RUNX1T1: variants seen among roughly 807,000 people sequenced by gnomAD.
RUNX1T1 encodes RUNX1 partner transcriptional co-repressor 1.
Under a neutral mutation model 62.8 loss-of-function variants are expected in RUNX1T1, and 4 were observed. The ratio of observed to expected loss-of-function variants is 0.06; its 90% CI spans 0.03 to 0.15. The LOEUF (loss-of-function observed/expected upper bound fraction) is 0.15. Among genes scored for constraint, RUNX1T1 ranks in the 10% least tolerant of loss-of-function variants. The pLI, the probability that RUNX1T1 is intolerant of heterozygous loss-of-function variation, is 1.00. For missense variants in RUNX1T1, 508 were observed against 754.3 expected, an observed-to-expected ratio of 0.67 and a Z score of 3.82; for synonymous variants, 291 against 286.0, an observed-to-expected ratio of 1.02 and a Z score of -0.18.
chr8:92,017,132 G>T, intron 2 of RUNX1T1, 94 bp downstream of exon 3: 1 of 952,666 alleles, frequency 1.0e-6, no homozygotes, highest in Non-Finnish European at 1.6e-6. Flanking sequence ...ATACATTGAT[G>T]CTGAATTTTA....
intron 1 of RUNX1T1, among the ~76,000 whole-genome samples, chr8:92,044,812 T>C (rs1327525877): frequency 2.6e-5 from 4 of 152,224 alleles, no homozygotes; most frequent in African/African-American, 7.2e-5. Flanking sequence ...CTAGTTTTGT[T>C]TGACTGCAAA....
chr8:92,099,097 A>G (rs984664573), intron 1 of RUNX1T1, among the ~76,000 whole-genome samples: 1 of 152,208 alleles, frequency 6.6e-6, no homozygotes, highest in Non-Finnish European at 1.5e-5. Context: ...AGTTGATTGA[A>G]TATTTGTTAT....
At chr8:92,025,974 G>T (rs1040049948) in intron 1 of RUNX1T1, among the ~76,000 whole-genome samples, 1 of 152,150 alleles carries the variant, frequency 6.6e-6, no homozygotes, top group African/African-American at 2.4e-5. Flanking sequence ...ATACACATAT[G>T]ATCTATGGCC....
At chr8:92,056,521 AC>A (rs1831066730) in intron 1 of RUNX1T1, among the ~76,000 whole-genome samples, 1 of 152,178 alleles carries the variant, frequency 6.6e-6, no homozygotes, top group Non-Finnish European at 1.5e-5. Flanking sequence ...GCCAGACTAC[AC>A]TTATCACTTA....
At chr8:92,012,497 G>C (rs2131111825) in intron 3 of RUNX1T1, among the ~76,000 whole-genome samples, 1 of 152,138 alleles carries the variant, frequency 6.6e-6, no homozygotes, top group South Asian at 2.1e-4. Flanking sequence ...CGATGCGAAT[G>C]CATTGGGTGA....
Position 92,017,677 on chromosome 8 carries a change from A to C in RUNX1T1, c.8-314T>G, listed in dbSNP as rs1823281589. The C allele has an allele frequency of 2.4e-6, 3 of 1,242,994 alleles. No homozygotes were observed. The Admixed American group carries it at 1.2e-4, about 48-fold the overall frequency. 77.0% of individuals were successfully genotyped at this position (1,242,994 alleles called of 1,614,324 possible). ...TGCACTGGAAGCTGAAGCCAATGTT[A>C]GCAAGAGGTAGAAAATAGATGAGGA... is the stretch of plus-strand genomic sequence containing the variant. On this transcript the variant is annotated intron_variant, in intron 1 of 10. Coordinates refer to ENST00000396218, the Ensembl canonical transcript of RUNX1T1.
At chr8:92,092,974 C>T (rs1837270230) in intron 1 of RUNX1T1, among the ~76,000 whole-genome samples, 1 of 151,974 alleles carries the variant, frequency 6.6e-6, no homozygotes, top group Non-Finnish European at 1.5e-5. Context: ...CATATTGGAG[C>T]AGATGTAGCA....
At chr8:92,032,167 T>C (rs1826386159) in intron 1 of RUNX1T1, among the ~76,000 whole-genome samples, 2 of 134,138 alleles carry the variant, frequency 1.5e-5, no homozygotes. Flanking sequence ...AGTACATGAA[T>C]AGATGGCCAA....
chr8:92,036,164 C>T (rs1827377532), intron 1 of RUNX1T1, among the ~76,000 whole-genome samples: 5 of 151,994 alleles, frequency 3.3e-5, no homozygotes, highest in African/African-American at 1.2e-4. Flanking sequence ...ATTATAATGG[C>T]GAGAATCAAA....
intron 10 of RUNX1T1, among the ~76,000 whole-genome samples, chr8:91,970,015 T>C (rs1452468367): frequency 3.5e-5 from 3 of 85,568 alleles, no homozygotes; most frequent in African/African-American, 1.6e-4. Flanking sequence ...CCATTTAGGC[T>C]AGCTGTGTGT....
chr8:92,045,079 A>C (rs1015247302), intron 1 of RUNX1T1, among the ~76,000 whole-genome samples: 1 of 151,836 alleles, frequency 6.6e-6, no homozygotes, highest in African/African-American at 2.4e-5. Context: ...AAAAAAAAAA[A>C]AAAGATATCG....
exon 11 of RUNX1T1, chr8:91,960,135 C>T: frequency 8.7e-7 from 1 of 1,152,346 alleles, no homozygotes; most frequent in Admixed American, 2.2e-5. Flanking sequence ...TAGGATAATT[C>T]ATCTAATAAA....
chr8:92,086,985 A>C (rs953867079), intron 1 of RUNX1T1, among the ~76,000 whole-genome samples: 4 of 152,206 alleles, frequency 2.6e-5, no homozygotes, highest in African/African-American at 9.6e-5. Flanking sequence ...TATTGGATGC[A>C]GGGTTTCCTT....
intron 1 of RUNX1T1, chr8:92,019,325 T>C (rs1476408941): frequency 1.3e-5 from 2 of 152,138 alleles, no homozygotes; most frequent in Non-Finnish European, 2.9e-5. Flanking sequence ...CTGGTTTTCA[T>C]TCTGCTAACA....
intron 1 of RUNX1T1, among the ~76,000 whole-genome samples, chr8:92,039,608 C>T (rs1828062458): frequency 6.6e-6 from 1 of 152,228 alleles, no homozygotes; most frequent in Non-Finnish European, 1.5e-5. Flanking sequence ...CCTCACAAAC[C>T]TGTGATCCAC....
At chr8:92,013,802 A>T (rs1822460473) in intron 3 of RUNX1T1, among the ~76,000 whole-genome samples, 1 of 152,212 alleles carries the variant, frequency 6.6e-6, no homozygotes. Context: ...TGGTTTCGGT[A>T]ATTCTACCTA....
At chr8:92,033,657 A>G (rs942812525) in intron 1 of RUNX1T1, among the ~76,000 whole-genome samples, 8 of 152,130 alleles carry the variant, frequency 5.3e-5, no homozygotes, top group African/African-American at 1.9e-4. Context: ...GTGAACCACC[A>G]TGCCCAGCTA....
At chr8:91,960,137 T>C in exon 11 of RUNX1T1, 4 of 1,165,032 alleles carry the variant, frequency 3.4e-6, no homozygotes, top group Non-Finnish European at 4.9e-6. Context: ...GGATAATTCA[T>C]CTAATAAACA....
chr8:92,047,456 T>C (rs1323116519), intron 1 of RUNX1T1, among the ~76,000 whole-genome samples: 1 of 152,150 alleles, frequency 6.6e-6, no homozygotes, highest in African/African-American at 2.4e-5. Context: ...AACTCACTTA[T>C]ATTTTATGTT....
Sources: gnomAD v4.1 joint callset for allele counts (sites outside exome capture counted in the v4.1 genomes callset) on GRCh38, gnomAD v4.1.1 for gene constraint, MANE v1.5 for transcripts, NCBI Gene and HGNC (gene_info 2026-07-23, HGNC 2026-07-21) for gene names.